OPCML: variants seen among roughly 807,000 people sequenced by gnomAD.
The protein encoded by OPCML is opioid-binding protein/cell adhesion molecule.
In OPCML, 13 loss-of-function variants were observed where a neutral mutation model predicts 37.8. That is an observed-to-expected ratio of 0.34 (90% CI 0.22 to 0.55). The LOEUF (loss-of-function observed/expected upper bound fraction) is 0.55, where lower values mean the gene tolerates loss of function less well. OPCML is among the 20% of genes least tolerant of loss of function. The pLI is 0.91. For missense variants in OPCML, 341 were observed against 435.6 expected (o/e 0.78, Z 1.93); for synonymous variants, 176 against 168.8 (o/e 1.04, Z -0.33).
intron 2 of OPCML, among the ~76,000 whole-genome samples, chr11:132,678,735 A>T (rs1340414641): frequency 3.3e-5 from 5 of 152,208 alleles, no homozygotes; most frequent in Non-Finnish European, 7.3e-5. Context: ...GGCGAGGGAG[A>T]GGTGAACAGG....
rs199846311 is a variant in OPCML at position 132,506,825 on chromosome 11, CA to C, written c.505+22235del. Among the ~76,000 whole-genome samples, 5 of 151,162 alleles carry C rather than the reference CA, an allele frequency of 3.3e-5. No individual in the cohort carries two copies. In the East Asian group the frequency reaches 9.7e-4, roughly 29 times the overall value. Reference sequence around the variant, plus strand: ...AAAACATGAAAGCTACTAGACAGAACAAAAAGAGGAAAACAAAAAGCTGACG... The same window carrying C: ...AAAACATGAAAGCTACTAGACAGAACAAAAGAGGAAAACAAAAAGCTGACG... On this transcript the variant is annotated intron_variant, in intron 4 of 7. Transcript: ENST00000524381.
intron 1 of OPCML, among the ~76,000 whole-genome samples, chr11:132,953,999 C>T (rs996964400): frequency 6.6e-6 from 1 of 152,210 alleles, no homozygotes; most frequent in African/African-American, 2.4e-5. Flanking sequence ...TAGAGAGGAG[C>T]TAGAACTTGT....
At chr11:133,528,662 G>T (rs533735039) in intron 1 of OPCML, among the ~76,000 whole-genome samples, 5 of 152,136 alleles carry the variant, frequency 3.3e-5, no homozygotes, top group African/African-American at 1.2e-4. Context: ...CCTAAACCTC[G>T]GGGGATTTTC....
chr11:132,652,269 C>G (rs1941464045), intron 3 of OPCML, among the ~76,000 whole-genome samples: 1 of 152,038 alleles, frequency 6.6e-6, no homozygotes, highest in Non-Finnish European at 1.5e-5. Context: ...GTGTCCCACT[C>G]CCACCACTAA....
intron 4 of OPCML, among the ~76,000 whole-genome samples, chr11:132,451,208 C>T (rs2096067578): frequency 6.6e-6 from 1 of 152,166 alleles, no homozygotes. Context: ...CCATTTCCAT[C>T]AATTATTACT....
At chr11:133,011,450 G>A (rs1947211663) in intron 1 of OPCML, among the ~76,000 whole-genome samples, 1 of 150,908 alleles carries the variant, frequency 6.6e-6, no homozygotes, top group Non-Finnish European at 1.5e-5. Flanking sequence ...TAGATAATTG[G>A]AGTCAATGAC....
chr11:133,339,869 T>A (rs767364844), intron 1 of OPCML, among the ~76,000 whole-genome samples: 2 of 152,170 alleles, frequency 1.3e-5, no homozygotes, highest in Non-Finnish European at 2.9e-5. Flanking sequence ...AAAAGCCCAA[T>A]TGAATTAGAT....
chr11:133,240,005 T>G (rs1170448817), intron 1 of OPCML, among the ~76,000 whole-genome samples: 2 of 151,828 alleles, frequency 1.3e-5, no homozygotes, highest in Non-Finnish European at 2.9e-5. Context: ...GGAAAAAAAT[T>G]TTCGATTTGC....
intron 1 of OPCML, among the ~76,000 whole-genome samples, chr11:133,058,373 TG>T (rs564656807): frequency 6.6e-6 from 1 of 152,026 alleles, no homozygotes; most frequent in Non-Finnish European, 1.5e-5. Context: ...CAGGAGAGCA[TG>T]GTGTGTTTGC....
rs372132174 is a variant in OPCML, at chr11:133,173,601, C to A, written c.62-230591G>T. On this transcript the variant is annotated intron_variant, in intron 1 of 7. Coordinates refer to ENST00000524381, the MANE Select transcript of OPCML (RefSeq NM_001012393.5). This position sits in a 1 kb window ranked among gnomAD's most constrained non-coding sequence, Gnocchi z 7.8. ...TCAAATCACATCACCTTTCAAATCA[C>A]CCCCCAGATGCCTCTCATTGCAAAA... is the stretch of plus-strand genomic sequence containing the variant. Among the ~76,000 whole-genome samples, 3 of 152,074 alleles carry A rather than the reference C, an allele frequency of 2.0e-5. No individual in the cohort carries two copies. The highest frequency in any genetic ancestry group is 2.9e-5 in the Non-Finnish European group (2 of 67,996).
intron 2 of OPCML, among the ~76,000 whole-genome samples, chr11:132,814,183 C>T (rs553727320): frequency 7.9e-5 from 12 of 152,220 alleles, no homozygotes; most frequent in Admixed American, 4.6e-4. Flanking sequence ...GTGATATGTA[C>T]GAGGAACTGG....
At chr11:132,759,190 G>A (rs191946771) in intron 2 of OPCML, among the ~76,000 whole-genome samples, 53 of 152,256 alleles carry the variant, frequency 3.5e-4, no homozygotes, top group Non-Finnish European at 4.6e-4. Context: ...TGTGCTGCTG[G>A]ATTCAGTTTG....
chr11:133,436,539 A>G (rs530962272), intron 1 of OPCML, among the ~76,000 whole-genome samples: 4 of 152,314 alleles, frequency 2.6e-5, no homozygotes, highest in Non-Finnish European at 4.4e-5. Flanking sequence ...TAAGCTCACA[A>G]ATGTGATCTC....
chr11:133,235,072 G>C (rs562551584), intron 1 of OPCML, among the ~76,000 whole-genome samples: 2 of 152,038 alleles, frequency 1.3e-5, no homozygotes, highest in Non-Finnish European at 2.9e-5. Context: ...CCGAGATAAG[G>C]GTAATCAAAT....
intron 3 of OPCML, among the ~76,000 whole-genome samples, chr11:132,633,885 T>A (rs1940311581): frequency 7.0e-6 from 1 of 143,530 alleles, no homozygotes; most frequent in Non-Finnish European, 1.6e-5. Flanking sequence ...TATTACCTCA[T>A]GTAAGAAATC....
At chr11:132,615,273 C>A (rs1043364507) in intron 3 of OPCML, among the ~76,000 whole-genome samples, 2 of 152,118 alleles carry the variant, frequency 1.3e-5, no homozygotes, top group Non-Finnish European at 2.9e-5. Flanking sequence ...GGAAAGGGTG[C>A]AAGTTATAAG....
intron 1 of OPCML, among the ~76,000 whole-genome samples, chr11:133,363,645 G>T (rs1304454205): frequency 1.3e-5 from 2 of 152,204 alleles, no homozygotes; most frequent in Non-Finnish European, 2.9e-5. Context: ...CACCTGCATG[G>T]AAAGCAACAC....
chr11:133,153,606 TC>T (rs1412859169), intron 1 of OPCML, among the ~76,000 whole-genome samples: 1 of 152,104 alleles, frequency 6.6e-6, no homozygotes, highest in Non-Finnish European at 1.5e-5. Flanking sequence ...TCTAAGTGGC[TC>T]AGCTCTTCTT....
At chr11:133,422,696 A>G (rs372719093) in intron 1 of OPCML, 1 of 984,520 alleles carries the variant, frequency 1.0e-6, no homozygotes. Context: ...ATGAGGAAAT[A>G]TATGCAAACA....
Sources: allele counts gnomAD v4.1 joint callset (sites outside exome capture counted in the v4.1 genomes callset), GRCh38; gene constraint gnomAD v4.1.1; non-coding constraint Gnocchi (gnomAD v3.1); transcripts MANE v1.5; gene names NCBI Gene and HGNC (gene_info 2026-07-23, HGNC 2026-07-21).